The following PCDH15 variants were observed in gnomAD, a reference collection of about 807,000 sequenced individuals.
PCDH15 encodes the protein protocadherin related 15, also known as protocadherin-15.
Under a neutral mutation model 178.5 loss-of-function variants are expected in PCDH15, and 129 were observed. The observed-to-expected ratio is 0.72, with a 90% CI of 0.63 to 0.84. PCDH15 has a LOEUF of 0.84. PCDH15 is among the 40% of genes least tolerant of loss of function. The pLI is 0.00. For synonymous variants in PCDH15, 800 were observed against 732.0 expected, an observed-to-expected ratio of 1.09 and a Z score of -1.50; for missense variants, 2,230 against 2,099.9, an observed-to-expected ratio of 1.06 and a Z score of -1.21.
At chr10:53,974,742 G>A (rs2090047508) in intron 21 of PCDH15, among the ~76,000 whole-genome samples, 1 of 151,808 alleles carries the variant, frequency 6.6e-6, no homozygotes, top group African/African-American at 2.4e-5. Flanking sequence ...AAGTGATGGC[G>A]ACCACAGGCG....
intron 3 of PCDH15, among the ~76,000 whole-genome samples, chr10:54,847,835 T>C (rs1196206887): frequency 2.0e-5 from 3 of 152,282 alleles, no homozygotes; most frequent in Non-Finnish European, 4.4e-5. Flanking sequence ...AATACTGATG[T>C]TCAGAATTTT....
chr10:55,547,897 C>CTG (rs377033615), intron 2 of PCDH15, among the ~76,000 whole-genome samples: 2,283 of 101,950 alleles, frequency 0.022, 84 homozygotes, highest in African/African-American at 0.039. Flanking sequence ...GTGTGTGTGT[C>CTG]TGTGTGTGTG....
At chr10:54,469,065 A>T (rs931072079) in intron 3 of PCDH15, among the ~76,000 whole-genome samples, 2 of 152,066 alleles carry the variant, frequency 1.3e-5, no homozygotes, top group Admixed American at 6.6e-5. Context: ...TGTAGGCAGC[A>T]TATGGTTGAG....
At chr10:54,901,234 A>C (rs1403649774) in intron 2 of PCDH15, among the ~76,000 whole-genome samples, 2 of 152,088 alleles carry the variant, frequency 1.3e-5, no homozygotes, top group African/African-American at 4.8e-5. Flanking sequence ...TGAGCCTGGG[A>C]AGTGGAGGTT....
intron 21 of PCDH15, among the ~76,000 whole-genome samples, chr10:53,984,549 A>T (rs938941914): frequency 6.6e-6 from 1 of 152,174 alleles, no homozygotes; most frequent in African/African-American, 2.4e-5. Context: ...CATCTCTTAT[A>T]TAATAGAATC....
chr10:54,077,944 T>C (rs1254698135), intron 17 of PCDH15, among the ~76,000 whole-genome samples: 1 of 152,120 alleles, frequency 6.6e-6, no homozygotes, highest in Non-Finnish European at 1.5e-5. Context: ...ATGCCTGTAA[T>C]TCCAGCTACT....
intron 8 of PCDH15, among the ~76,000 whole-genome samples, chr10:54,293,216 A>T (rs2059536134): frequency 6.6e-6 from 1 of 152,212 alleles, no homozygotes; most frequent in African/African-American, 2.4e-5. Flanking sequence ...AGCAATGGGG[A>T]AACGATTCCC....
upstream of PCDH15, among the ~76,000 whole-genome samples, chr10:55,322,809 G>T (rs1843934346): frequency 6.6e-6 from 1 of 151,250 alleles, no homozygotes; most frequent in Non-Finnish European, 1.5e-5. Context: ...AAAAATGGGG[G>T]GGGAGAAATT....
chr10:54,058,884 G>T (rs1399752248), intron 18 of PCDH15, among the ~76,000 whole-genome samples: 1 of 151,952 alleles, frequency 6.6e-6, no homozygotes, highest in African/African-American at 2.4e-5. Flanking sequence ...AGTAGAGACA[G>T]GATTTCTCCA....
At chr10:54,429,633 C>G (rs184438610) in intron 3 of PCDH15, among the ~76,000 whole-genome samples, 56 of 151,990 alleles carry the variant, frequency 3.7e-4, no homozygotes, top group African/African-American at 1.3e-3. Context: ...AGTAAAGGCA[C>G]GGAAAAATAT....
intron 3 of PCDH15, among the ~76,000 whole-genome samples, chr10:54,444,329 T>C (rs1431966734): frequency 6.6e-6 from 1 of 151,720 alleles, no homozygotes; most frequent in Non-Finnish European, 1.5e-5. Context: ...GACTATAGTG[T>C]GCATGGCACA....
At chr10:55,080,835 A>G (rs1842022737) in intron 2 of PCDH15, among the ~76,000 whole-genome samples, 1 of 152,138 alleles carries the variant, frequency 6.6e-6, no homozygotes, top group Non-Finnish European at 1.5e-5. Context: ...CTGCTCTGGT[A>G]TGGAGGGTGG....
rs138330599 is a variant in PCDH15, at chr10:54,950,628, G to A, written c.-79-53128C>T. Among the ~76,000 whole-genome samples, 1,519 of 151,982 alleles carry A rather than the reference G, an allele frequency of 1.0e-2. 21 individuals carry two copies. The highest frequency in any genetic ancestry group is 0.035 in the African/African-American group (1,437 of 41,474). On this transcript the variant is annotated intron_variant, in intron 2 of 5. Transcript: ENST00000458638. ...TTGGGTATGTCTTTATCAGCAATGT[G>A]AGAAGAGACTAATACAAGAATGAAC...
intron 1 of PCDH15, among the ~76,000 whole-genome samples, chr10:54,779,269 C>G (rs1950022024): frequency 6.6e-6 from 1 of 150,876 alleles, no homozygotes; most frequent in Non-Finnish European, 1.5e-5. Flanking sequence ...CTGACCAGAA[C>G]TCTGCATTGA....
At chr10:54,412,871 G>A (rs2135671035) in intron 3 of PCDH15, among the ~76,000 whole-genome samples, 1 of 152,234 alleles carries the variant, frequency 6.6e-6, no homozygotes, top group East Asian at 1.9e-4. Flanking sequence ...AAAGGCATGA[G>A]CCACCACGCC....
At chr10:54,100,827 T>TGG (rs200543824) in intron 15 of PCDH15, among the ~76,000 whole-genome samples, 5 of 151,208 alleles carry the variant, frequency 3.3e-5, no homozygotes, top group African/African-American at 9.7e-5. Context: ...CCACTTAAGG[T>TGG]GGGGGGGGAT....
chr10:54,280,343 C>T (rs1350268639), intron 8 of PCDH15, among the ~76,000 whole-genome samples: 7 of 150,538 alleles, frequency 4.6e-5, no homozygotes, highest in Non-Finnish European at 1.0e-4. Flanking sequence ...TATCCTATGC[C>T]TCTAACCACA....
At chr10:55,521,595 T>A (rs565208400) in intron 2 of PCDH15, among the ~76,000 whole-genome samples, 1 of 152,120 alleles carries the variant, frequency 6.6e-6, no homozygotes, top group Non-Finnish European at 1.5e-5. Flanking sequence ...TCTCTATTTA[T>A]CTGTCCACAG....
chr10:54,723,859 AAT>A (rs1416999866), intron 1 of PCDH15, among the ~76,000 whole-genome samples: 1 of 151,770 alleles, frequency 6.6e-6, no homozygotes, highest in East Asian at 1.9e-4. Flanking sequence ...ACCCAGTCAG[AAT>A]GGTTAATATT....
Sources: allele counts gnomAD v4.1 joint callset (sites outside exome capture counted in the v4.1 genomes callset), GRCh38; gene constraint gnomAD v4.1.1; transcripts MANE v1.5; gene names NCBI Gene and HGNC (gene_info 2026-07-23, HGNC 2026-07-21).